Variants in TNFAIP6 observed in about 807,000 individuals in gnomAD.
TNFAIP6 encodes the protein tumor necrosis factor-inducible gene 6 protein.
A neutral mutation model predicts 33.7 loss-of-function variants in TNFAIP6; 36 were observed. That is an observed-to-expected ratio of 1.07 (90% CI 0.82 to 1.41). The LOEUF (loss-of-function observed/expected upper bound fraction) is 1.41, where lower values mean the gene tolerates loss of function less well. Ranked by LOEUF, TNFAIP6 falls within the 40% of genes most tolerant of loss-of-function variation. TNFAIP6 has a pLI of 0.00. For missense variants in TNFAIP6, 273 were observed against 331.9 expected, an observed-to-expected ratio of 0.82 and a Z score of 1.38; for synonymous variants, 113 against 112.8, an observed-to-expected ratio of 1.00 and a Z score of -0.01.
Position 151,379,439 on chromosome 2 carries a change from T to A in TNFAIP6, c.740T>A (p.Met247Lys). The A allele has an allele frequency of 6.2e-7, 1 of 1,609,132 alleles. No individual in the cohort carries two copies. The highest frequency in any genetic ancestry group is 1.1e-5 in the South Asian group (1 of 90,526). ...AGGFQIKYVA[M>K]DPVSKSSQGK... Reference sequence around the variant, plus strand: ...GGTTTCCAAATCAAATATGTTGCAATGGATCCTGTATCCAAATCCAGTCAA... The same window carrying A: ...GGTTTCCAAATCAAATATGTTGCAAAGGATCCTGTATCCAAATCCAGTCAA... Residue 247 changes from methionine (M) to lysine (K), a missense_variant, in exon 6 of 6, where the codon ATG becomes AAG. Coordinates refer to ENST00000243347, the MANE Select transcript of TNFAIP6 (RefSeq NM_007115.4).
Position 151,379,428 on chromosome 2 carries a change from A to G in TNFAIP6, c.729A>G (p.Lys243=). The change falls in exon 6 of 6, where the codon AAA becomes AAG. Residue 243 remains lysine, a synonymous_variant. Transcript: ENST00000243347. ...TGACAGCTGGAGGTTTCCAAATCAA[A>G]TATGTTGCAATGGATCCTGTATCCA... is the stretch of plus-strand genomic sequence containing the variant. ...ASVTAGGFQI[K]YVAMDPVSKS... The G allele has an allele frequency of 6.2e-7, 1 of 1,610,172 alleles. No individual in the cohort carries two copies. The highest frequency in any genetic ancestry group is 8.5e-7 in the Non-Finnish European group (1 of 1,178,378).
At chr2:151,370,651 A>G (rs1684801596) in intron 4 of TNFAIP6, among the ~76,000 whole-genome samples, 1 of 152,248 alleles carries the variant, frequency 6.6e-6, no homozygotes, top group Non-Finnish European at 1.5e-5. Context: ...ATTATGGCTA[A>G]GTTGTAAGAA....
Position 151,363,995 on chromosome 2 carries a change from C to T in TNFAIP6, c.147C>T (p.Leu49=), listed in dbSNP as rs1449202003. Residue 49 remains leucine (L), a synonymous_variant, in exon 2 of 6, where the codon CTC becomes CTT. Coordinates refer to ENST00000243347, the MANE Select transcript of TNFAIP6 (RefSeq NM_007115.4). ...HREARSGKYK[L]TYAEAKAVCE... is the part of the protein sequence containing the mutation. Reference sequence around the variant, plus strand: ...AAGCACGGTCTGGCAAATACAAGCTCACCTACGCAGAAGCTAAGGCGGTGT... The same window carrying T: ...AAGCACGGTCTGGCAAATACAAGCTTACCTACGCAGAAGCTAAGGCGGTGT... 1 of 1,613,972 alleles carries T rather than the reference C, an allele frequency of 6.2e-7. No homozygotes were observed. Among genetic ancestry groups the T allele is most frequent in the South Asian group, 1.1e-5 (1 of 91,082 alleles).
At chr2:151,363,793 CAG>C (rs1684667733) in intron 1 of TNFAIP6, 148 bp from the exon 2 acceptor site, 1 of 774,616 alleles carries the variant, frequency 1.3e-6, no homozygotes, top group African/African-American at 1.8e-5. Flanking sequence ...AGTTTCCTAA[CAG>C]TGAAAACTTA....
Position 151,380,002 on chromosome 2 carries a change from A to C in TNFAIP6, c.*469A>C, listed in dbSNP as rs145969750. ...AGCCTGTCTCTATTGTTGGAATTTCAGGTCATTTTCATAAATATTGTTGCA... is the reference window on the plus strand; with the variant it reads ...AGCCTGTCTCTATTGTTGGAATTTCCGGTCATTTTCATAAATATTGTTGCA... On this transcript the variant is annotated 3_prime_UTR_variant, in exon 6 of 6. Coordinates refer to ENST00000243347, the MANE Select transcript of TNFAIP6 (RefSeq NM_007115.4). The C allele has an allele frequency of 8.9e-4, 136 of 152,328 alleles. No individual in the cohort carries two copies. The highest frequency in any genetic ancestry group is 3.1e-3 in the African/African-American group (130 of 41,586). The allele number at this position is 152,328 out of a possible 1,614,324, so 9.4% of individuals were successfully genotyped here. A position where few individuals can be genotyped will look rare whatever the true frequency, so the allele number is the denominator to read the frequency against.
chr2:151,378,132 A>G (rs550816088), intron 5 of TNFAIP6, among the ~76,000 whole-genome samples: 170 of 152,328 alleles, frequency 1.1e-3, no homozygotes, highest in African/African-American at 4.0e-3. Flanking sequence ...AAGCTGGGGT[A>G]GAAGGATCAC....
chr2:151,362,293 A>C (rs1684636878), intron 1 of TNFAIP6, among the ~76,000 whole-genome samples: 1 of 152,110 alleles, frequency 6.6e-6, no homozygotes, highest in Non-Finnish European at 1.5e-5. Context: ...ACACTGCCTA[A>C]AATATGTTGG....
rs200351871 is a variant in TNFAIP6 at position 151,366,170 on chromosome 2, G to A, written c.347G>A (p.Arg116His). 177 of 1,613,962 alleles carry A rather than the reference G, an allele frequency of 1.1e-4. No homozygotes were observed. In the East Asian group the frequency reaches 1.3e-3, roughly 12 times the overall value. ...ACTGGCATTATTGATTATGGAATCC[G>A]TCTCAATAGGAGTGAAAGATGGGAT... ...GKTGIIDYGI[R>H]LNRSERWDAY... is the part of the protein sequence containing the mutation. The change falls in exon 3 of 6, where the codon CGT (arginine) becomes CAT (histidine). Residue 116 changes from arginine (R) to histidine (H), a missense_variant. Arg to His is a conservative substitution (Grantham distance 29, BLOSUM62 0). Coordinates refer to ENST00000243347, the MANE Select transcript of TNFAIP6 (RefSeq NM_007115.4).
At chr2:151,362,366 G>T (rs1403051877) in intron 1 of TNFAIP6, among the ~76,000 whole-genome samples, 2 of 151,536 alleles carry the variant, frequency 1.3e-5, no homozygotes, top group Non-Finnish European at 2.9e-5. Flanking sequence ...CTGGTAGTTA[G>T]GTGTGTCCAG....
intron 1 of TNFAIP6, among the ~76,000 whole-genome samples, chr2:151,360,750 ATAAAT>A (rs1684612401): frequency 2.0e-5 from 3 of 152,206 alleles, no homozygotes; most frequent in South Asian, 4.1e-4. Context: ...TTAATATTTA[ATAAAT>A]TAAATCAGAA....
At chr2:151,360,284 T>G (rs1684606283) in intron 1 of TNFAIP6, among the ~76,000 whole-genome samples, 10 of 151,856 alleles carry the variant, frequency 6.6e-5, no homozygotes, top group Admixed American at 6.6e-4. Flanking sequence ...GGTGACAGAG[T>G]GAGACCTTGT....
In TNFAIP6 at chr2:151,370,025, GA is replaced by G. The variant is rs776364939; in HGVS notation, c.401del (p.Glu134GlyfsTer42). The G allele has an allele frequency of 6.2e-7, 1 of 1,610,556 alleles. No homozygotes were observed. Among genetic ancestry groups the G allele is most frequent in the Admixed American group, 1.7e-5 (1 of 59,530 alleles). The part of the protein sequence containing the change: ...DAYCYNPHAK[E>X]CGGVFTDPKQ... ...TTTTTTTCTTCTCATTTCAGCAAAG[GA>G]GTGTGGTGGCGTCTTTACAGATCCA... On this transcript the variant is annotated frameshift_variant, in exon 4 of 6. Coordinates refer to ENST00000243347, the MANE Select transcript of TNFAIP6 (RefSeq NM_007115.4). LOFTEE classifies it high-confidence loss of function.
chr2:151,368,090 G>C (rs3771897), intron 3 of TNFAIP6, among the ~76,000 whole-genome samples: 2 of 151,558 alleles, frequency 1.3e-5, no homozygotes, highest in Admixed American at 1.3e-4. Context: ...GGAACAACTC[G>C]CTCCTAAAGC....
chr2:151,367,093 TTAC>T (rs1388503830), intron 3 of TNFAIP6, among the ~76,000 whole-genome samples: 1 of 152,068 alleles, frequency 6.6e-6, no homozygotes, highest in East Asian at 1.9e-4. Context: ...AGTAGGAGAG[TTAC>T]ATAGTGAGGT....
intron 1 of TNFAIP6, among the ~76,000 whole-genome samples, chr2:151,359,748 G>A (rs1420435621): frequency 1.3e-5 from 2 of 152,152 alleles, no homozygotes; most frequent in Non-Finnish European, 2.9e-5. Context: ...ATTCAAAGCC[G>A]TCCTGGCAGG....
chr2:151,373,155 T>G (rs757084721), intron 4 of TNFAIP6, among the ~76,000 whole-genome samples: 4 of 151,582 alleles, frequency 2.6e-5, no homozygotes, highest in Non-Finnish European at 5.9e-5. Context: ...CCATCTTTAC[T>G]AAAAGTACAA....
intron 1 of TNFAIP6, among the ~76,000 whole-genome samples, chr2:151,362,555 A>G (rs1419042978): frequency 7.7e-6 from 1 of 129,712 alleles, no homozygotes; most frequent in African/African-American, 3.0e-5. Flanking sequence ...CAGTGGCGCA[A>G]TCTCGGCTCA....
intron 4 of TNFAIP6, among the ~76,000 whole-genome samples, chr2:151,371,517 C>G (rs143957460): frequency 6.6e-6 from 1 of 152,036 alleles, no homozygotes; most frequent in Non-Finnish European, 1.5e-5. Flanking sequence ...AAACCAAAGG[C>G]ATTTCTTGCA....
chr2:151,368,070 G>A (rs1466878380), intron 3 of TNFAIP6, among the ~76,000 whole-genome samples: 1 of 152,008 alleles, frequency 6.6e-6, no homozygotes, highest in Admixed American at 6.6e-5. Flanking sequence ...AAGATTGGAT[G>A]CTATGGGATG....
Sources: gnomAD v4.1 joint callset for allele counts (sites outside exome capture counted in the v4.1 genomes callset) on GRCh38, gnomAD v4.1.1 for gene constraint, MANE v1.5 for transcripts, NCBI Gene and HGNC (gene_info 2026-07-23, HGNC 2026-07-21) for gene names.